The following TMC4 variants were observed in gnomAD, a reference collection of about 807,000 sequenced individuals.
The protein encoded by TMC4 is voltage-gated chloride channel TMC4.
TMC4 carries 70 observed loss-of-function variants against 82.0 expected under a neutral mutation model. The observed-to-expected ratio is 0.85, with a 90% CI of 0.70 to 1.04. The LOEUF is 1.04. TMC4 is among the 50% of genes least tolerant of loss of function. The pLI, the probability that TMC4 is intolerant of heterozygous loss-of-function variation, is 0.00. For missense variants in TMC4, 879 were observed against 899.0 expected (o/e 0.98, Z 0.28); for synonymous variants, 446 against 406.0 (o/e 1.10, Z -1.18).
At chr19:54,160,697 A>T in intron 13 of TMC4, 152 bp from the exon 14 acceptor site, 1 of 1,450,082 alleles carries the variant, frequency 6.9e-7, no homozygotes, top group Non-Finnish European at 9.3e-7. Context: ...CTTCAGATCC[A>T]GGAGTCCTAC....
intron 5 of TMC4, 92 bp downstream of exon 5, chr19:54,168,079 G>A: frequency 7.1e-7 from 1 of 1,401,142 alleles, no homozygotes; most frequent in Non-Finnish European, 9.6e-7. Flanking sequence ...AAAAAAGACT[G>A]AGGATTCTTG....
Position 54,169,630 on chromosome 19 carries a change from G to C in TMC4, c.324C>G (p.Val108=). The change falls in exon 3 of 15, where the codon GTC becomes GTG. Residue 108 remains valine, a synonymous_variant. Transcript: ENST00000619895. The part of the protein sequence containing the change: ...RQRNASRDQV[V]YGSGTKTDRW... Reference sequence around the variant, plus strand: ...GGTCCGTCTTAGTTCCAGAGCCATAGACCACCTGGTCCCTGCTGGCATTTC... The same window carrying C: ...GGTCCGTCTTAGTTCCAGAGCCATACACCACCTGGTCCCTGCTGGCATTTC... 6.2e-7 allele frequency: 1 copy of C among 1,614,000 alleles called. No individual in the cohort carries two copies. The highest frequency in any genetic ancestry group is 8.5e-7 in the Non-Finnish European group (1 of 1,180,026).
chr19:54,164,728 C>T, intron 6 of TMC4, 127 bp from the exon 7 acceptor site: 1 of 1,267,860 alleles, frequency 7.9e-7, no homozygotes, highest in Non-Finnish European at 1.1e-6. Flanking sequence ...CACCCGCTAA[C>T]AACCTCTGCA....
rs762922892 is a variant in TMC4 at position 54,163,159 on chromosome 19, C to A, written c.1278G>T (p.Arg426Ser). Reference protein sequence around the residue: ...RSRQIVFILLRTVFLRLASLV... With the variant: ...RSRQIVFILLSTVFLRLASLV... The stretch of plus-strand genomic sequence containing the variant: ...GGGAGGCGAGGCGAAGAAACACGGT[C>A]CTGAAGGGGGGAAGGCAGAGAATGG... The change falls in exon 9 of 15, where the codon AGG becomes AGT. Residue 426 changes from arginine (R) to serine (S), a missense_variant and splice_region_variant. Coordinates refer to ENST00000619895, the MANE Select transcript of TMC4 (RefSeq NM_144686.4). 4.3e-6 allele frequency: 7 copies of A among 1,613,742 alleles called. No individual in the cohort carries two copies. The highest frequency in any genetic ancestry group is 5.9e-6 in the Non-Finnish European group (7 of 1,179,996).
At chr19:54,170,146 A>C (rs955552770) in intron 2 of TMC4, among the ~76,000 whole-genome samples, 2 of 152,188 alleles carry the variant, frequency 1.3e-5, no homozygotes, top group South Asian at 2.1e-4. Flanking sequence ...TAGGCAGAAG[A>C]AGCCAGCACA....
Position 54,161,227 on chromosome 19 carries a change from G to A in TMC4, c.1720C>T (p.Arg574Cys), listed in dbSNP as rs1295620148. 1.3e-6 allele frequency: 2 copies of A among 1,571,894 alleles called. No homozygotes were observed. Among genetic ancestry groups the A allele is most frequent in the African/African-American group, 1.4e-5 (1 of 73,056 alleles). ...TTCGCCGCGGAGGCCCGGAAGGTGCGGGCAGCCGGGGAGCAGGTGGAGAAG... is the reference window on the plus strand; with the variant it reads ...TTCGCCGCGGAGGCCCGGAAGGTGCAGGCAGCCGGGGAGCAGGTGGAGAAG... ...TLFSTCSPAA[R>C]TFRASAANFF... Residue 574 changes from arginine to cysteine, a missense_variant, in exon 12 of 15, where the codon CGC becomes TGC. Physicochemically the swap from Arg to Cys is radical, Grantham distance 180. Coordinates refer to ENST00000619895, the MANE Select transcript of TMC4 (RefSeq NM_144686.4).
intron 5 of TMC4, among the ~76,000 whole-genome samples, 200 bp downstream of exon 5, chr19:54,167,971 G>A (rs1406795718): frequency 2.0e-5 from 3 of 151,378 alleles, no homozygotes; most frequent in Admixed American, 2.0e-4. Flanking sequence ...GCTGAGGCAG[G>A]AGAATCGCTT....
chr19:54,164,742 C>G, intron 6 of TMC4, 141 bp from the exon 7 acceptor site: 2 of 1,109,794 alleles, frequency 1.8e-6, no homozygotes, highest in South Asian at 1.5e-5. Flanking sequence ...CTCTGCAGTC[C>G]TGGTTCCACC....
At position 54,160,272 on chromosome 19, in the gene TMC4, C is replaced by A; in HGVS notation, c.*34G>T. The A allele has an allele frequency of 6.6e-7, 1 of 1,512,160 alleles. No homozygotes were observed. Among genetic ancestry groups the A allele is most frequent in the Non-Finnish European group, 8.8e-7 (1 of 1,131,138 alleles). The allele number at this position is 1,512,160 out of a possible 1,614,324, so 93.7% of individuals were successfully genotyped here. A position where few individuals can be genotyped will look rare whatever the true frequency, so the allele number is the denominator to read the frequency against. ...GTTGTGACCTAGGCTTACAATGGGC[C>A]TGGGGTCTGAAAGCGGGACGTGGGC... On this transcript the variant is annotated 3_prime_UTR_variant, in exon 15 of 15. Transcript: ENST00000619895.
chr19:54,171,445 T>C (rs1057223492), intron 2 of TMC4, among the ~76,000 whole-genome samples: 7 of 152,122 alleles, frequency 4.6e-5, no homozygotes, highest in African/African-American at 1.7e-4. Flanking sequence ...TGCATTTTCA[T>C]TGTTCACCAG....
intron 10 of TMC4, 57 bp from the exon 11 acceptor site, chr19:54,162,342 A>G: frequency 1.7e-6 from 2 of 1,154,938 alleles, no homozygotes; most frequent in East Asian, 5.8e-5. Context: ...TGGAGTTTCC[A>G]CGCCTCCACC....
At chr19:54,161,087 G>GGGGAGAGAGGGA (rs760716151) in intron 12 of TMC4, 43 bp downstream of exon 12, 22 of 1,605,446 alleles carry the variant, frequency 1.4e-5, no homozygotes, top group Middle Eastern at 1.7e-4. Context: ...AACACTGAAT[G>GGGGAGAGAGGGA]GGGAGAGAGG....
intron 8 of TMC4, 33 bp from the exon 9 acceptor site, chr19:54,163,192 C>G (rs1253599218): frequency 6.2e-7 from 1 of 1,612,802 alleles, no homozygotes; most frequent in Non-Finnish European, 8.5e-7. Context: ...TGGGCCCTGA[C>G]CCGGTACCCA....
intron 11 of TMC4, 48 bp from the exon 12 acceptor site, chr19:54,161,308 G>T: frequency 1.5e-6 from 2 of 1,352,186 alleles, no homozygotes; most frequent in East Asian, 2.7e-5. Context: ...ACAAGAGTCT[G>T]TGCCTCCATT....
rs779701401 is a variant in TMC4, at chr19:54,168,527, G to A, written c.596C>T (p.Ser199Leu). ...GTGGGGGTTATAGGAGCCGCAGGGC[G>A]AGGAGATGTCGGGGCCGGGAGGGCC... The part of the protein sequence containing the change: ...PPGPPGPDIS[S>L]PCGSYNPHSQ... Residue 199 changes from serine (S) to leucine (L), a missense_variant, in exon 4 of 15, where the codon TCG becomes TTG. Ser to Leu is a moderately radical substitution (Grantham distance 145, BLOSUM62 -2). Transcript: ENST00000619895. 2.1e-5 allele frequency: 32 copies of A among 1,553,194 alleles called. No homozygotes were observed. The South Asian group carries it at 3.2e-4, about 16-fold the overall frequency.
chr19:54,160,821 G>C, intron 13 of TMC4, 57 bp downstream of exon 13: 6 of 1,592,232 alleles, frequency 3.8e-6, no homozygotes, highest in South Asian at 1.1e-5. Flanking sequence ...GGACGCAGGT[G>C]GTGGCCCCCA....
chr19:54,165,832 G>C (rs985998789), intron 5 of TMC4, among the ~76,000 whole-genome samples: 1 of 152,124 alleles, frequency 6.6e-6, no homozygotes, highest in Non-Finnish European at 1.5e-5. Context: ...ACAGAGCCTC[G>C]GAGCGAAGGG....
At chr19:54,163,371 C>T (rs1470914969) in intron 8 of TMC4, 5 of 682,658 alleles carry the variant, frequency 7.3e-6, no homozygotes, top group Admixed American at 3.1e-5. Context: ...AGTGCAGTGG[C>T]GCGATCTCAG....
chr19:54,162,701 CTGCCAAGACAGTCAG>C lies in TMC4; in HGVS notation c.1459_1473del (p.Leu487_Ala491del). On this transcript the variant is annotated inframe_deletion, in exon 10 of 15. Coordinates refer to ENST00000619895, the MANE Select transcript of TMC4 (RefSeq NM_144686.4). ...CTAGGAAACTGGATGAGCAGCGCGACTGCCAAGACAGTCAGCAGATCAAAGAGCAGAAGTTTGTAC... is the reference window on the plus strand; with the variant it reads ...CTAGGAAACTGGATGAGCAGCGCGACCAGATCAAAGAGCAGAAGTTTGTAC... 6.2e-7 allele frequency: 1 copy of C among 1,614,074 alleles called. No individual in the cohort carries two copies. The highest frequency in any genetic ancestry group is 8.5e-7 in the Non-Finnish European group (1 of 1,180,020).
Sources: gnomAD v4.1 joint callset for allele counts (sites outside exome capture counted in the v4.1 genomes callset) on GRCh38, gnomAD v4.1.1 for gene constraint, MANE v1.5 for transcripts, NCBI Gene and HGNC (gene_info 2026-07-23, HGNC 2026-07-21) for gene names.